Variants in EIF4ENIF1 observed in about 807,000 individuals in gnomAD.
EIF4ENIF1 encodes eukaryotic translation initiation factor 4E nuclear import factor 1, also known as eukaryotic translation initiation factor 4E transporter.
In EIF4ENIF1, 23 loss-of-function variants were observed where a neutral mutation model predicts 110.5. The observed-to-expected ratio is 0.21, with a 90% CI of 0.15 to 0.29. The LOEUF (loss-of-function observed/expected upper bound fraction) is 0.29. Among genes scored for constraint, EIF4ENIF1 ranks in the 10% least tolerant of loss-of-function variants. The probability of loss-of-function intolerance (pLI) is 1.00; values close to 1 mark genes in which losing one functional copy is unlikely to be tolerated. For synonymous variants in EIF4ENIF1, 440 were observed against 437.0 expected, an observed-to-expected ratio of 1.01 and a Z score of -0.09; for missense variants, 1,031 against 1,221.1, an observed-to-expected ratio of 0.84 and a Z score of 2.32.
chr22:31,482,029 T>C (rs1047133570), intron 2 of EIF4ENIF1, among the ~76,000 whole-genome samples: 6 of 151,814 alleles, frequency 4.0e-5, no homozygotes, highest in African/African-American at 1.2e-4. Context: ...AAATTAGCCA[T>C]GTGTGGTGAC....
chr22:31,456,694 A>G (rs1569079917), intron 7 of EIF4ENIF1, among the ~76,000 whole-genome samples: 1 of 151,294 alleles, frequency 6.6e-6, no homozygotes, highest in East Asian at 1.9e-4. Context: ...TTTTAATTTT[A>G]TTTTTAGTAG....
chr22:31,447,082 T>G (rs1379689787), intron 14 of EIF4ENIF1: 2 of 428,252 alleles, frequency 4.7e-6, no homozygotes, highest in Non-Finnish European at 9.3e-6. Context: ...AGAAACATCC[T>G]AAGATTTTAA....
At chr22:31,492,351 G>A (rs1304468618), upstream of EIF4ENIF1, among the ~76,000 whole-genome samples, 1 of 152,198 alleles carries the variant, frequency 6.6e-6, no homozygotes, top group African/African-American at 2.4e-5. Flanking sequence ...TGGGAGGAAT[G>A]TCAAGGAATG....
intron 14 of EIF4ENIF1, among the ~76,000 whole-genome samples, chr22:31,445,262 A>C (rs2050426371): frequency 6.6e-6 from 1 of 152,012 alleles, no homozygotes; most frequent in Admixed American, 6.6e-5. Flanking sequence ...CCTGGCACAG[A>C]ACTGATGCTG....
intron 3 of EIF4ENIF1, among the ~76,000 whole-genome samples, chr22:31,469,320 T>C (rs1439375347): frequency 1.3e-5 from 2 of 152,202 alleles, no homozygotes; most frequent in Non-Finnish European, 2.9e-5. Flanking sequence ...ACTTCACACT[T>C]GTCCTTTGCA....
chr22:31,474,070 T>A (rs2051485278), intron 2 of EIF4ENIF1, among the ~76,000 whole-genome samples: 1 of 152,048 alleles, frequency 6.6e-6, no homozygotes, highest in East Asian at 1.9e-4. Context: ...TCCTCTTTTT[T>A]TTTTTTTGAG....
chr22:31,486,222 A>C (rs1186016576), intron 2 of EIF4ENIF1, among the ~76,000 whole-genome samples: 1 of 151,924 alleles, frequency 6.6e-6, no homozygotes, highest in Non-Finnish European at 1.5e-5. Context: ...GTGAGCCGAG[A>C]TAGCATCATT....
rs183548476 is a variant in EIF4ENIF1, at chr22:31,482,972, C to T, written c.96+5651G>A. On this transcript the variant is annotated intron_variant, in intron 2 of 18. Transcript: ENST00000330125. Reference sequence around the variant, plus strand: ...CCGGGAGGCAGAGGTTGCAGTGAGCCGACATAGGGCCACTGCACTCCAGCC... The same window carrying T: ...CCGGGAGGCAGAGGTTGCAGTGAGCTGACATAGGGCCACTGCACTCCAGCC... Among the ~76,000 whole-genome samples the T allele has an allele frequency of 1.3e-4, 19 of 151,314 alleles. No individual in the cohort carries two copies. The East Asian group carries it at 3.1e-3, about 25-fold the overall frequency.
Position 31,455,303 on chromosome 22 carries a change from G to C in EIF4ENIF1, c.1112C>G (p.Ala371Gly). ...ELERLAGLEQ[A>G]ILSPGQNSGN... ...CGAGTTCTGTCCAGGAGAGAGGATG[G>C]CTTGCTCCAGACCTGATATTGCAAA... The change falls in exon 9 of 19, where the codon GCC (alanine) becomes GGC (glycine). Residue 371 changes from alanine (A) to glycine (G), a missense_variant. This residue lies in a region of EIF4ENIF1 where 704 missense variants were observed against 879.7 expected (regional missense o/e 0.80). Coordinates refer to ENST00000330125, the MANE Select transcript of EIF4ENIF1 (RefSeq NM_019843.4). 6.3e-7 allele frequency: 1 copy of C among 1,594,650 alleles called. No individual in the cohort carries two copies. The highest frequency in any genetic ancestry group is 1.3e-5 in the African/African-American group (1 of 74,414).
chr22:31,452,968 A>G (rs1239452562), intron 10 of EIF4ENIF1, among the ~76,000 whole-genome samples: 1 of 152,196 alleles, frequency 6.6e-6, no homozygotes, highest in Non-Finnish European at 1.5e-5. Context: ...ATAAGACATA[A>G]TGATTCAAAC....
intron 4 of EIF4ENIF1, among the ~76,000 whole-genome samples, chr22:31,464,772 A>G (rs2145996785): frequency 7.0e-6 from 1 of 143,614 alleles, no homozygotes; most frequent in Non-Finnish European, 1.5e-5. Context: ...ACAGATCTAA[A>G]TGTAAAACCT....
rs1264110623 is a variant in EIF4ENIF1, at chr22:31,458,629, C to A, written c.809G>T (p.Gly270Val). The A allele has an allele frequency of 1.2e-6, 2 of 1,607,432 alleles. No individual in the cohort carries two copies. The highest frequency in any genetic ancestry group is 1.1e-5 in the South Asian group (1 of 90,424). ...CTCCACTTCATCCTCTTCGGCCACTCCTCCATTGCACTCTACTATACCTGA... is the reference window on the plus strand; with the variant it reads ...CTCCACTTCATCCTCTTCGGCCACTACTCCATTGCACTCTACTATACCTGA... ...VKEGIVECNG[G>V]VAEEDEVEVI... Residue 270 changes from glycine (G) to valine (V), a missense_variant, in exon 7 of 19, where the codon GGA (glycine) becomes GTA (valine). Gly to Val is a moderately radical substitution (Grantham distance 109, BLOSUM62 -3). This residue lies in a region of EIF4ENIF1 where 704 missense variants were observed against 879.7 expected (regional missense o/e 0.80). Transcript: ENST00000330125.
intron 2 of EIF4ENIF1, among the ~76,000 whole-genome samples, chr22:31,480,629 C>T (rs2051779502): frequency 6.6e-6 from 1 of 152,088 alleles, no homozygotes; most frequent in African/African-American, 2.4e-5. Context: ...GTGGCGTGCG[C>T]CTGTAGTCCC....
chr22:31,486,044 C>G (rs1407064003), intron 2 of EIF4ENIF1, among the ~76,000 whole-genome samples: 1 of 138,964 alleles, frequency 7.2e-6, no homozygotes, highest in African/African-American at 2.7e-5. Context: ...GTCAGGAGTT[C>G]GAGACCAGCG....
Position 31,439,607 on chromosome 22 carries a change from G to A in EIF4ENIF1, c.*273C>T, listed in dbSNP as rs2050229983. 2.2e-6 allele frequency: 1 copy of A among 463,010 alleles called. No homozygotes were observed. The allele number at this position is 463,010 out of a possible 1,614,324, so 28.7% of individuals were successfully genotyped here. A position where few individuals can be genotyped will look rare whatever the true frequency, so the allele number is the denominator to read the frequency against. ...CCCTTAGGTGCCACCTCTTGGTGAG[G>A]ACACCAACACTTCATTCACATATCT... On this transcript the variant is annotated 3_prime_UTR_variant, in exon 19 of 19. Coordinates refer to ENST00000330125, the MANE Select transcript of EIF4ENIF1 (RefSeq NM_019843.4).
At chr22:31,441,543 C>T (rs1290917557) in intron 17 of EIF4ENIF1, among the ~76,000 whole-genome samples, 1 of 33,856 alleles carries the variant, frequency 3.0e-5, no homozygotes, top group African/African-American at 1.1e-4. Context: ...TCTGTCTCTA[C>T]AAAAAGGAAA....
At chr22:31,440,254 G>A in intron 18 of EIF4ENIF1, 133 bp from the exon 19 acceptor site, 1 of 1,304,708 alleles carries the variant, frequency 7.7e-7, no homozygotes, top group Non-Finnish European at 1.1e-6. Context: ...AAACTCCTTT[G>A]CAAAATACCA....
chr22:31,443,041 T>C lies in EIF4ENIF1; in HGVS notation c.2127A>G (p.Lys709=). The C allele has an allele frequency of 6.2e-7, 1 of 1,614,186 alleles. No individual in the cohort carries two copies. Among genetic ancestry groups the C allele is most frequent in the Non-Finnish European group, 8.5e-7 (1 of 1,180,032 alleles). Reference sequence around the variant, plus strand: ...ATGCTGGCTCCTCCTTGCTTTTCTCTTTGCTCTCGTACATCTTACGAATCA... The same window carrying C: ...ATGCTGGCTCCTCCTTGCTTTTCTCCTTGCTCTCGTACATCTTACGAATCA... The part of the protein sequence containing the change: ...TSVIRKMYES[K]EKSKEEPASG... Residue 709 remains lysine (K), a synonymous_variant, in exon 16 of 19, where the codon AAA becomes AAG. Coordinates refer to ENST00000330125, the MANE Select transcript of EIF4ENIF1 (RefSeq NM_019843.4).
upstream of EIF4ENIF1, among the ~76,000 whole-genome samples, chr22:31,491,589 T>G (rs2052283914): frequency 6.6e-6 from 1 of 152,132 alleles, no homozygotes; most frequent in Non-Finnish European, 1.5e-5. Context: ...ATTTTGGGGG[T>G]GATGAAGTCT....
Sources: allele counts gnomAD v4.1 joint callset (sites outside exome capture counted in the v4.1 genomes callset), GRCh38; gene constraint gnomAD v4.1.1; regional missense constraint gnomAD v4.1.1; transcripts MANE v1.5; gene names NCBI Gene and HGNC (gene_info 2026-07-23, HGNC 2026-07-21).